Variants in DMD observed in about 807,000 individuals in gnomAD.
DMD encodes the protein mutant dystrophin.
In DMD, 63 loss-of-function variants were observed where a neutral mutation model predicts 330.1. That is an observed-to-expected ratio of 0.19 (90% CI 0.16 to 0.24). DMD has a LOEUF of 0.24. Ranked by LOEUF, DMD falls within the 10% of genes least tolerant of loss-of-function variation. DMD has a pLI of 1.00. For synonymous variants in DMD, 1,223 were observed against 959.8 expected (o/e 1.27, Z -5.07); for missense variants, 3,344 against 2,684.1 (o/e 1.25, Z -5.43).
intron 44 of DMD, among the ~76,000 whole-genome samples, chrX:32,046,393 A>G (rs1264645392): frequency 8.9e-6 from 1 of 112,461 alleles, no homozygotes; most frequent in Non-Finnish European, 1.9e-5. Flanking sequence ...GGAGAGTTCT[A>G]TTTTGTTTTG....
chrX:31,633,443 G>T (rs1193396516), intron 54 of DMD, among the ~76,000 whole-genome samples: 1 of 111,418 alleles, frequency 9.0e-6, no homozygotes, highest in East Asian at 2.8e-4. Flanking sequence ...CATCCATTCC[G>T]TACCTATTGT....
intron 43 of DMD, among the ~76,000 whole-genome samples, chrX:32,220,730 C>T (rs909832384): frequency 9.0e-5 from 10 of 110,885 alleles, no homozygotes; most frequent in African/African-American, 2.9e-4. Context: ...AAATTTGTCT[C>T]GCTCCATTAA....
intron 25 of DMD, among the ~76,000 whole-genome samples, chrX:32,457,027 A>AT (rs1010600660): frequency 1.0e-4 from 11 of 105,570 alleles, no homozygotes; most frequent in African/African-American, 3.8e-4. Context: ...ATGGAGCTTG[A>AT]TAAGTTGACC....
At position 32,636,040 on chromosome X, in the gene DMD, C is replaced by T. The variant is rs183900206; in HGVS notation, c.1331+8092G>A. 5.8e-3 allele frequency among the ~76,000 whole-genome samples: 646 copies of T among 112,128 alleles called. 5 individuals carry two copies. Among genetic ancestry groups the T allele is most frequent in the African/African-American group, 0.018 (564 of 30,866 alleles). ...CTAGACTCAGCTGCAAAGCCTGACACTGCATGGTGTCACGGTGTGTATAAA... is the reference window on the plus strand; with the variant it reads ...CTAGACTCAGCTGCAAAGCCTGACATTGCATGGTGTCACGGTGTGTATAAA... On this transcript the variant is annotated intron_variant, in intron 11 of 78. Coordinates refer to ENST00000357033, the MANE Select transcript of DMD (RefSeq NM_004006.3).
chrX:31,236,774 A>G (rs2147250091), intron 63 of DMD, among the ~76,000 whole-genome samples: 1 of 112,245 alleles, frequency 8.9e-6, no homozygotes, highest in African/African-American at 3.2e-5. Context: ...GAGTTAATGA[A>G]ATGTTCATAA....
chrX:33,325,113 T>C (rs1349161260), intron 1 of DMD, among the ~76,000 whole-genome samples: 2 of 111,943 alleles, frequency 1.8e-5, no homozygotes, highest in African/African-American at 6.5e-5. Context: ...ATGTATACAA[T>C]TGGATTCTGT....
chrX:32,802,259 C>T (rs1281064794), intron 7 of DMD, among the ~76,000 whole-genome samples: 1 of 111,455 alleles, frequency 9.0e-6, no homozygotes, highest in African/African-American at 3.3e-5. Flanking sequence ...GAATTCTATT[C>T]TCCTTGTAGC....
intron 21 of DMD, among the ~76,000 whole-genome samples, chrX:32,475,850 C>T (rs1163745001): frequency 5.4e-5 from 6 of 110,582 alleles, no homozygotes; most frequent in South Asian, 3.8e-4. Flanking sequence ...TCCTCTTTAC[C>T]GATTTGGATG....
chrX:32,216,243 T>C (rs1263540224), intron 44 of DMD, among the ~76,000 whole-genome samples: 2 of 112,102 alleles, frequency 1.8e-5, no homozygotes, highest in Non-Finnish European at 1.9e-5. Flanking sequence ...GCCTAAACTA[T>C]GTAATTTAGC....
chrX:32,838,943 A>T lies in DMD; in HGVS notation c.264+5840T>A, dbSNP rs189973700. ...TTACTGGGTATATATCCAAAGGATT[A>T]TAAATCATTCTACTATGAAGACACA... On this transcript the variant is annotated intron_variant, in intron 4 of 78. Coordinates refer to ENST00000357033, the MANE Select transcript of DMD (RefSeq NM_004006.3). Among the ~76,000 whole-genome samples, 5 of 112,427 alleles carry T rather than the reference A, an allele frequency of 4.4e-5. No individual in the cohort carries two copies. The East Asian group carries it at 1.4e-3, about 32-fold the overall frequency.
intron 1 of DMD, among the ~76,000 whole-genome samples, chrX:33,321,095 A>G (rs2054008100): frequency 9.0e-6 from 1 of 111,455 alleles, no homozygotes; most frequent in South Asian, 3.8e-4. Context: ...GGTTGAAATC[A>G]GCTTCTTCTA....
At chrX:31,809,443 A>T (rs890919250) in intron 50 of DMD, among the ~76,000 whole-genome samples, 1 of 109,096 alleles carries the variant, frequency 9.2e-6, no homozygotes, top group Non-Finnish European at 1.9e-5. Flanking sequence ...TATAATTTTG[A>T]CTTTTTTTTT....
At chrX:32,752,328 T>C (rs1371803365) in intron 7 of DMD, among the ~76,000 whole-genome samples, 1 of 111,186 alleles carries the variant, frequency 9.0e-6, no homozygotes, top group Non-Finnish European at 1.9e-5. Flanking sequence ...ATGACCTGGA[T>C]GTGAGATACG....
intron 1 of DMD, among the ~76,000 whole-genome samples, chrX:33,088,906 T>C (rs2095046698): frequency 9.0e-6 from 1 of 110,620 alleles, no homozygotes; most frequent in Non-Finnish European, 1.9e-5. Context: ...AACAGTGTTA[T>C]GGAAAAAGAT....
At chrX:31,559,640 C>CAAAAAAAAAAAAAAAAAAAAA (rs1167550498) in intron 55 of DMD, among the ~76,000 whole-genome samples, 3 of 21,618 alleles carry the variant, frequency 1.4e-4, no homozygotes, top group Non-Finnish European at 3.1e-4. Flanking sequence ...AACTCCGTCT[C>CAAAAAAAAAAAAAAAAAAAAA]AAAAAAAAAA....
At chrX:33,092,926 T>C (rs1260664363) in intron 1 of DMD, among the ~76,000 whole-genome samples, 1 of 110,723 alleles carries the variant, frequency 9.0e-6, no homozygotes, top group Non-Finnish European at 1.9e-5. Context: ...CAGGCTGGAG[T>C]GCAGTGTCAC....
At chrX:32,170,142 C>T (rs2096882449) in intron 44 of DMD, among the ~76,000 whole-genome samples, 1 of 110,315 alleles carries the variant, frequency 9.1e-6, no homozygotes, top group African/African-American at 3.3e-5. Context: ...ACACCTGTTA[C>T]TTTTGACATA....
chrX:32,811,308 C>A (rs770656657), intron 6 of DMD, among the ~76,000 whole-genome samples: 1 of 110,961 alleles, frequency 9.0e-6, no homozygotes, highest in South Asian at 3.9e-4. Flanking sequence ...CACTGCACTC[C>A]AGCCTGGGTG....
intron 41 of DMD, among the ~76,000 whole-genome samples, chrX:32,336,086 T>A (rs2097713305): frequency 9.2e-6 from 1 of 108,482 alleles, no homozygotes; most frequent in African/African-American, 3.3e-5. Context: ...ACATGTTATA[T>A]ATAACGTGTG....
Sources: allele counts gnomAD v4.1 joint callset (sites outside exome capture counted in the v4.1 genomes callset), GRCh38; gene constraint gnomAD v4.1.1; transcripts MANE v1.5; gene names NCBI Gene and HGNC (gene_info 2026-07-23, HGNC 2026-07-21).